The following ARPP19 variants were observed in gnomAD, a reference collection of about 807,000 sequenced individuals.
ARPP19 encodes the protein cAMP regulated phosphoprotein 19.
In ARPP19, 8 loss-of-function variants were observed where a neutral mutation model predicts 12.0. That is an observed-to-expected ratio of 0.67 (90% CI 0.39 to 1.21). The LOEUF is 1.21. Ranked by LOEUF, ARPP19 falls within the 50% of genes most tolerant of loss-of-function variation. ARPP19 has a pLI of 0.01. For missense variants in ARPP19, 102 were observed against 136.3 expected (o/e 0.75, Z 1.25); for synonymous variants, 47 against 50.4 (o/e 0.93, Z 0.29).
Position 52,550,586 on chromosome 15 carries a change from G to C in ARPP19, c.*1348C>G, listed in dbSNP as rs2077920364. 1 of 151,934 alleles carries C rather than the reference G, an allele frequency of 6.6e-6. No individual in the cohort carries two copies. The highest frequency in any genetic ancestry group is 2.1e-4 in the South Asian group (1 of 4,816). 9.4% of individuals were successfully genotyped at this position (151,934 alleles called of 1,614,324 possible). On this transcript the variant is annotated 3_prime_UTR_variant, in exon 3 of 3. Transcript: ENST00000249822. The stretch of plus-strand genomic sequence containing the variant: ...GAGCTGTGATTGCACTACTGCACTA[G>C]AGCTCAGGTGACAGAGCAAGGCCCT...
intron 1 of ARPP19, 29 bp downstream of exon 1, chr15:52,568,819 G>C (rs772381556): frequency 6.5e-7 from 1 of 1,536,554 alleles, no homozygotes; most frequent in Non-Finnish European, 8.7e-7. Context: ...CCTTGGGCAG[G>C]GCCCAGGGCT....
At chr15:52,563,878 G>A (rs1241666866) in intron 1 of ARPP19, among the ~76,000 whole-genome samples, 1 of 152,154 alleles carries the variant, frequency 6.6e-6, no homozygotes, top group Non-Finnish European at 1.5e-5. Flanking sequence ...AATTACTGTT[G>A]TCATTCTATT....
At position 52,551,988 on chromosome 15, in the gene ARPP19, C is replaced by T. The variant is rs201676094; in HGVS notation, c.285G>A (p.Pro95=). The T allele has an allele frequency of 3.5e-5, 57 of 1,613,286 alleles. No individual in the cohort carries two copies. The highest frequency in any genetic ancestry group is 1.4e-4 in the South Asian group (13 of 91,056). Residue 95 remains proline, a synonymous_variant, in exon 3 of 3, where the codon CCG becomes CCA. Transcript: ENST00000249822. ...ACGGCTTCCGTTGAGGAAGGTCTTG[C>T]GGAGTGGGAATGTGGTCACCAGTGA... The part of the protein sequence containing the change: ...TEVTGDHIPT[P]QDLPQRKPSL...
intron 1 of ARPP19, among the ~76,000 whole-genome samples, chr15:52,558,295 T>C (rs2078000173): frequency 6.6e-6 from 1 of 151,804 alleles, no homozygotes; most frequent in Non-Finnish European, 1.5e-5. Context: ...TAAAAAAGTT[T>C]AAAAATTAGC....
In ARPP19 at chr15:52,551,765, A is replaced by C; in HGVS notation, c.*169T>G. The C allele has an allele frequency of 1.7e-6, 1 of 601,934 alleles. No individual in the cohort carries two copies. Among genetic ancestry groups the C allele is most frequent in the East Asian group, 2.8e-5 (1 of 36,204 alleles). 37.3% of individuals were successfully genotyped at this position (601,934 alleles called of 1,614,324 possible). A position where few individuals can be genotyped will look rare whatever the true frequency, so the allele number is the denominator to read the frequency against. Reference sequence around the variant, plus strand: ...CTCTTCACCAGTGCACTGTTAAACTAATCAAAAACTCTACACACGTATATT... The same window carrying C: ...CTCTTCACCAGTGCACTGTTAAACTCATCAAAAACTCTACACACGTATATT... On this transcript the variant is annotated 3_prime_UTR_variant, in exon 3 of 3. Coordinates refer to ENST00000249822, the MANE Select transcript of ARPP19 (RefSeq NM_006628.6).
intron 1 of ARPP19, 84 bp downstream of exon 1, chr15:52,568,764 G>A (rs967634964): frequency 3.1e-6 from 3 of 966,262 alleles, no homozygotes; most frequent in Non-Finnish European, 4.4e-6. Context: ...CGCATCTCGG[G>A]CGCGGCCCTC....
At chr15:52,568,621 G>C (rs1279617232) in intron 1 of ARPP19, 2 of 463,150 alleles carry the variant, frequency 4.3e-6, no homozygotes, top group African/African-American at 4.1e-5. Context: ...GCGACCCACG[G>C]AGGTGTTACA....
At chr15:52,564,183 G>A (rs2078060440) in intron 1 of ARPP19, 1 of 1,528,182 alleles carries the variant, frequency 6.5e-7, no homozygotes, top group African/African-American at 1.4e-5. Flanking sequence ...ACTTTTCTGA[G>A]GTTTACCTCT....
rs924933335 is a variant in ARPP19 at position 52,568,894 on chromosome 15, G to A, written c.-2C>T. 1.1e-5 allele frequency: 18 copies of A among 1,574,314 alleles called. No individual in the cohort carries two copies. The highest frequency in any genetic ancestry group is 1.3e-5 in the Non-Finnish European group (15 of 1,164,196). ...TGCCTCGGGGACTTCCGCAGACATA[G>A]TGCTCCCTCTGCAGACGAGACGCCG... On this transcript the variant is annotated 5_prime_UTR_variant, in exon 1 of 3. Coordinates refer to ENST00000249822, the MANE Select transcript of ARPP19 (RefSeq NM_006628.6).
intron 2 of ARPP19, 60 bp downstream of exon 2, chr15:52,557,040 T>G: frequency 6.4e-7 from 1 of 1,564,504 alleles, no homozygotes. Context: ...CGTTTCACAA[T>G]CTGTCAGCAT....
chr15:52,562,677 G>T (rs912001398), intron 1 of ARPP19, among the ~76,000 whole-genome samples: 14 of 151,832 alleles, frequency 9.2e-5, no homozygotes, highest in African/African-American at 3.4e-4. Flanking sequence ...AACTTGTCAG[G>T]TATAGCAAGT....
chr15:52,552,928 T>C (rs1277100628), intron 2 of ARPP19, among the ~76,000 whole-genome samples: 2 of 151,880 alleles, frequency 1.3e-5, no homozygotes, highest in Non-Finnish European at 2.9e-5. Context: ...AATACAAAAA[T>C]TAGTCGGTTG....
In ARPP19 at chr15:52,568,942, G is replaced by T. The variant is rs772098288; in HGVS notation, c.-50C>A. 7.8e-6 allele frequency: 11 copies of T among 1,404,998 alleles called. No individual in the cohort carries two copies. In the Admixed American group the frequency reaches 2.1e-4, roughly 27 times the overall value. 87.0% of individuals were successfully genotyped at this position (1,404,998 alleles called of 1,614,324 possible). A position where few individuals can be genotyped will look rare whatever the true frequency, so the allele number is the denominator to read the frequency against. On this transcript the variant is annotated 5_prime_UTR_variant, in exon 1 of 3. Transcript: ENST00000249822. ...CCGGGAAAAGATGCAATTAGCGGGT[G>T]GCCGAGGCCACCCGGCCGCCGCCCG...
At position 52,548,747 on chromosome 15, in the gene ARPP19, A is replaced by AC. The variant is rs1418555352; in HGVS notation, c.*3186dup. 6.6e-6 allele frequency: 1 copy of AC among 152,566 alleles called. No homozygotes were observed. Among genetic ancestry groups the AC allele is most frequent in the African/African-American group, 2.4e-5 (1 of 41,444 alleles). 9.5% of individuals were successfully genotyped at this position (152,566 alleles called of 1,614,324 possible). A position where few individuals can be genotyped will look rare whatever the true frequency, so the allele number is the denominator to read the frequency against. On this transcript the variant is annotated 3_prime_UTR_variant, in exon 3 of 3. Transcript: ENST00000249822. Reference sequence around the variant, plus strand: ...ATGTATCTCTTACAGATAAGGGGAGACTACTGTATTACATTTCAGCTTCCA... The same window carrying AC: ...ATGTATCTCTTACAGATAAGGGGAGACCTACTGTATTACATTTCAGCTTCCA...
intron 1 of ARPP19, chr15:52,564,227 G>A: frequency 6.5e-7 from 1 of 1,534,832 alleles, no homozygotes; most frequent in Non-Finnish European, 8.7e-7. Context: ...CAGAGACCAA[G>A]GGAGCATGTT....
chr15:52,554,301 T>C (rs982196814), intron 2 of ARPP19, among the ~76,000 whole-genome samples: 9 of 152,094 alleles, frequency 5.9e-5, no homozygotes, highest in Non-Finnish European at 1.3e-4. Context: ...TTAAATTTAG[T>C]GTGACTAGAG....
rs1471298881 is a variant in ARPP19 at position 52,564,201 on chromosome 15, T to C, written c.45+4647A>G. ...TTTCTGAGGTTTACCTCTAGGCTGT[T>C]AGGAATCGATGGTTGCAGAGACCAA... On this transcript the variant is annotated intron_variant, in intron 1 of 2. Transcript: ENST00000249822. 4.6e-6 allele frequency: 7 copies of C among 1,533,622 alleles called. No homozygotes were observed. In the East Asian group the frequency reaches 1.7e-4, roughly 37 times the overall value.
chr15:52,552,178 A>G lies in ARPP19; in HGVS notation c.169-74T>C, dbSNP rs144580227. On this transcript the variant is annotated intron_variant, in intron 2 of 2. Coordinates refer to ENST00000249822, the MANE Select transcript of ARPP19 (RefSeq NM_006628.6). ...ATTTAAGATGTCGATGCAACCCCAT[A>G]CTGTCCGTATAAGGTTGGTCTAAAA... 175 of 822,788 alleles carry G rather than the reference A, an allele frequency of 2.1e-4. 2 individuals carry two copies. In the East Asian group the frequency reaches 4.0e-3, roughly 19 times the overall value. 51.0% of individuals were successfully genotyped at this position (822,788 alleles called of 1,614,324 possible). A position where few individuals can be genotyped will look rare whatever the true frequency, so the allele number is the denominator to read the frequency against.
intron 1 of ARPP19, among the ~76,000 whole-genome samples, chr15:52,559,413 C>T (rs1346451310): frequency 6.6e-6 from 1 of 152,164 alleles, no homozygotes; most frequent in Non-Finnish European, 1.5e-5. Context: ...TCAGCCCGTA[C>T]AATACAAGCC....
Sources: allele counts gnomAD v4.1 joint callset (sites outside exome capture counted in the v4.1 genomes callset), GRCh38; gene constraint gnomAD v4.1.1; transcripts MANE v1.5; gene names NCBI Gene and HGNC (gene_info 2026-07-23, HGNC 2026-07-21).